The following MCPH1 variants were observed in gnomAD, a reference collection of about 807,000 sequenced individuals.
MCPH1 encodes the protein microcephalin.
Under a neutral mutation model 84.5 loss-of-function variants are expected in MCPH1, and 104 were observed. The ratio of observed to expected loss-of-function variants is 1.23; its 90% CI spans 1.05 to 1.45. The LOEUF (loss-of-function observed/expected upper bound fraction) is 1.45. Among genes scored for constraint, MCPH1 ranks in the 40% most tolerant of loss-of-function variants. The probability of loss-of-function intolerance (pLI) is 0.00; values close to 1 mark genes in which losing one functional copy is unlikely to be tolerated. For missense variants in MCPH1, 1,498 were observed against 1,005.7 expected (o/e 1.49, Z -6.62); for synonymous variants, 514 against 366.8 (o/e 1.40, Z -4.58).
At chr8:6,510,330 G>A (rs1814789699) in intron 12 of MCPH1, among the ~76,000 whole-genome samples, 2 of 152,118 alleles carry the variant, frequency 1.3e-5, no homozygotes, top group Admixed American at 6.5e-5. Context: ...AGACCCAGGC[G>A]AGGAGCCTAC....
rs146242966 is a variant in MCPH1, at chr8:6,419,428, C to A, written c.233+4545C>A. On this transcript the variant is annotated intron_variant, in intron 3 of 13. Coordinates refer to ENST00000344683, the MANE Select transcript of MCPH1 (RefSeq NM_024596.5). ...TTCTTTTTTCTTTTTGAGATGGAGT[C>A]TTGCTCTGTGGCCTAGTGCAGTGGC... Among the ~76,000 whole-genome samples the A allele has an allele frequency of 3.6e-4, 54 of 151,390 alleles. No homozygotes were observed. In the East Asian group the frequency reaches 4.5e-3, roughly 13 times the overall value.
intron 8 of MCPH1, 117 bp downstream of exon 8, chr8:6,445,664 A>G: frequency 4.8e-6 from 7 of 1,456,876 alleles, no homozygotes; most frequent in Non-Finnish European, 6.3e-6. Context: ...TCCTCTTTTT[A>G]CTTAAAGAAT....
At chr8:6,553,434 A>G (rs765497749) in intron 12 of MCPH1, among the ~76,000 whole-genome samples, 7 of 152,200 alleles carry the variant, frequency 4.6e-5, no homozygotes, top group East Asian at 1.9e-4. Context: ...CACCGGGAGA[A>G]TAACTTCAGA....
chr8:6,576,286 C>T (rs959680964), intron 12 of MCPH1, among the ~76,000 whole-genome samples: 3 of 152,138 alleles, frequency 2.0e-5, no homozygotes, highest in African/African-American at 4.8e-5. Context: ...AAAGAAGGTC[C>T]TCTTTCATGA....
At position 6,483,548 on chromosome 8, in the gene MCPH1, G is replaced by C. The variant is rs148619072; in HGVS notation, c.2136+2672G>C. ...TTCACAAAGGCATGAAGGCAATTCA[G>C]TGGAGAAATTCAGTCTTTTGAACAA... On this transcript the variant is annotated intron_variant, in intron 11 of 13. Coordinates refer to ENST00000344683, the MANE Select transcript of MCPH1 (RefSeq NM_024596.5). Among the ~76,000 whole-genome samples, 28 of 152,300 alleles carry C rather than the reference G, an allele frequency of 1.8e-4. No homozygotes were observed. In the East Asian group the frequency reaches 5.0e-3, roughly 27 times the overall value.
rs1464355070 is a variant in MCPH1, at chr8:6,455,603, C to G, written c.1935+351C>G. On this transcript the variant is annotated intron_variant, in intron 9 of 13. Transcript: ENST00000344683. ...GTAGGAGGTGAAGAATCCAAACATTCATTCACTTTTGAACTAACCAAGTCT... is the reference window on the plus strand; with the variant it reads ...GTAGGAGGTGAAGAATCCAAACATTGATTCACTTTTGAACTAACCAAGTCT... Among the ~76,000 whole-genome samples the G allele has an allele frequency of 3.9e-5, 6 of 152,262 alleles. No individual in the cohort carries two copies. The South Asian group carries it at 8.3e-4, about 21-fold the overall frequency.
chr8:6,409,294 T>G lies in MCPH1; in HGVS notation c.38T>G (p.Val13Gly). 1 of 1,613,730 alleles carries G rather than the reference T, an allele frequency of 6.2e-7. No homozygotes were observed. The highest frequency in any genetic ancestry group is 8.5e-7 in the Non-Finnish European group (1 of 1,179,600). Residue 13 changes from valine to glycine, a missense_variant, in exon 2 of 14, where the codon GTT becomes GGT. Transcript: ENST00000344683. ...APILKDVVAY[V>G]EVWSSNGTEN... ...TTGTTTTCAGATGTAGTGGCCTATG[T>G]TGAAGTGTGGTCATCCAATGGAACA...
At chr8:6,637,714 A>C (rs1797658914) in intron 13 of MCPH1, among the ~76,000 whole-genome samples, 1 of 151,898 alleles carries the variant, frequency 6.6e-6, no homozygotes, top group South Asian at 2.1e-4. Flanking sequence ...GCTGGTTTTG[A>C]ACTCCTGGGC....
At chr8:6,462,531 T>C (rs1806396868) in intron 9 of MCPH1, among the ~76,000 whole-genome samples, 1 of 152,234 alleles carries the variant, frequency 6.6e-6, no homozygotes, top group South Asian at 2.1e-4. Flanking sequence ...CTTCCAAAAC[T>C]TGAGAGACTG....
Position 6,446,780 on chromosome 8 carries a change from A to G in MCPH1, c.1825+1233A>G, listed in dbSNP as rs1469979035. The G allele has an allele frequency of 4.1e-6, 4 of 984,746 alleles. No homozygotes were observed. In the African/African-American group the frequency reaches 7.1e-5, roughly 17 times the overall value. 61.0% of individuals were successfully genotyped at this position (984,746 alleles called of 1,614,324 possible). ...ACATGGAAATGTAAATTAAGTAGGAAAAAGCTGGTAGCAAACAGTGTGGCA... is the reference window on the plus strand; with the variant it reads ...ACATGGAAATGTAAATTAAGTAGGAGAAAGCTGGTAGCAAACAGTGTGGCA... On this transcript the variant is annotated intron_variant, in intron 8 of 13. Coordinates refer to ENST00000344683, the MANE Select transcript of MCPH1 (RefSeq NM_024596.5).
At chr8:6,456,016 A>T (rs1477796181) in intron 9 of MCPH1, among the ~76,000 whole-genome samples, 1 of 152,132 alleles carries the variant, frequency 6.6e-6, no homozygotes, top group Non-Finnish European at 1.5e-5. Flanking sequence ...GCTGCATTTG[A>T]CCTGCGGAAG....
chr8:6,501,896 G>A (rs1812269259), intron 12 of MCPH1: 2 of 150,062 alleles, frequency 1.3e-5, no homozygotes. Context: ...AATATATTAT[G>A]AACATCAGAT....
chr8:6,433,721 G>T (rs1217814027), intron 4 of MCPH1, among the ~76,000 whole-genome samples: 2 of 149,948 alleles, frequency 1.3e-5, no homozygotes, highest in African/African-American at 4.9e-5. Flanking sequence ...CTAATCTGAA[G>T]CATTAATGAT....
chr8:6,606,923 G>C (rs1829825698), intron 12 of MCPH1, among the ~76,000 whole-genome samples: 1 of 152,190 alleles, frequency 6.6e-6, no homozygotes, highest in Admixed American at 6.5e-5. Context: ...TCCACTATGA[G>C]TGTGAGGCCT....
At chr8:6,606,530 T>C (rs1188300796) in intron 12 of MCPH1, among the ~76,000 whole-genome samples, 1 of 152,188 alleles carries the variant, frequency 6.6e-6, no homozygotes, top group Non-Finnish European at 1.5e-5. Flanking sequence ...CATAAACCAG[T>C]GCCTGTCGAC....
At chr8:6,417,915 A>C (rs575415777) in intron 3 of MCPH1, among the ~76,000 whole-genome samples, 4 of 152,132 alleles carry the variant, frequency 2.6e-5, no homozygotes, top group Non-Finnish European at 5.9e-5. Context: ...ATTCTTTTCT[A>C]TTGTCGCAAA....
chr8:6,599,234 A>G (rs1829177587), intron 12 of MCPH1, among the ~76,000 whole-genome samples: 1 of 152,180 alleles, frequency 6.6e-6, no homozygotes, highest in Non-Finnish European at 1.5e-5. Flanking sequence ...GCGGACCGGA[A>G]GGATATTTTT....
At chr8:6,472,552 G>T (rs554248658) in intron 9 of MCPH1, among the ~76,000 whole-genome samples, 1 of 151,950 alleles carries the variant, frequency 6.6e-6, no homozygotes, top group African/African-American at 2.4e-5. Flanking sequence ...TGCAACCTCC[G>T]CCTCCTGGGT....
rs1241839178 is a variant in MCPH1, at chr8:6,626,416, C to A, written c.2452+4725C>A. On this transcript the variant is annotated intron_variant, in intron 13 of 13. Transcript: ENST00000344683. ...ACTGTATTGTACTTGGGCCAAGATT[C>A]TTGATGAATCATTCAACCAGAAGGA... The A allele has an allele frequency of 5.1e-6, 5 of 977,708 alleles. No homozygotes were observed. The African/African-American group carries it at 9.1e-5, about 18-fold the overall frequency. 60.6% of individuals were successfully genotyped at this position (977,708 alleles called of 1,614,324 possible).
Sources: allele counts gnomAD v4.1 joint callset (sites outside exome capture counted in the v4.1 genomes callset), GRCh38; gene constraint gnomAD v4.1.1; transcripts MANE v1.5; gene names NCBI Gene and HGNC (gene_info 2026-07-23, HGNC 2026-07-21).